The following CHL1 variants were observed in gnomAD, a reference collection of about 807,000 sequenced individuals.
CHL1 encodes cell adhesion molecule L1 like.
CHL1 carries 96 observed loss-of-function variants against 141.9 expected under a neutral mutation model. That is an observed-to-expected ratio of 0.68 (90% CI 0.57 to 0.80). The LOEUF (loss-of-function observed/expected upper bound fraction) is 0.80. CHL1 is among the 30% of genes least tolerant of loss of function. The probability of loss-of-function intolerance (pLI) is 0.00; values close to 1 mark genes in which losing one functional copy is unlikely to be tolerated. For synonymous variants in CHL1, 613 were observed against 502.2 expected (o/e 1.22, Z -2.95); for missense variants, 1,820 against 1,457.2 (o/e 1.25, Z -4.05).
At chr3:356,676 C>T (rs1703744387) in intron 11 of CHL1, among the ~76,000 whole-genome samples, 1 of 152,038 alleles carries the variant, frequency 6.6e-6, no homozygotes, top group Non-Finnish European at 1.5e-5. Flanking sequence ...GTGAGGAAGT[C>T]AGCCACCTAA....
At chr3:201,130 G>C (rs1698892124) in intron 1 of CHL1, among the ~76,000 whole-genome samples, 2 of 152,300 alleles carry the variant, frequency 1.3e-5, no homozygotes, top group South Asian at 4.1e-4. Flanking sequence ...CACTGGGTTA[G>C]GAAGCTCAAT....
chr3:348,009 A>G (rs1702910963), intron 9 of CHL1, among the ~76,000 whole-genome samples: 1 of 152,222 alleles, frequency 6.6e-6, no homozygotes, highest in South Asian at 2.1e-4. Context: ...ACCACAAACT[A>G]TCAATACAAA....
At chr3:197,437 A>AC (rs200668433) in intron 1 of CHL1, 14 of 157,082 alleles carry the variant, frequency 8.9e-5, no homozygotes, top group African/African-American at 2.5e-4. Context: ...AGGATTCCAG[A>AC]CCCCCCCGTA....
chr3:232,497 G>T (rs947663401), intron 1 of CHL1, among the ~76,000 whole-genome samples: 13 of 151,984 alleles, frequency 8.6e-5, no homozygotes, highest in Non-Finnish European at 1.5e-4. Flanking sequence ...ATGCCCCTTT[G>T]TAACAGTTTT....
At chr3:300,564 A>G (rs1698630999) in intron 2 of CHL1, among the ~76,000 whole-genome samples, 1 of 152,148 alleles carries the variant, frequency 6.6e-6, no homozygotes, top group Non-Finnish European at 1.5e-5. Flanking sequence ...CTATTTATTT[A>G]AACAGCTTTA....
chr3:351,628 A>G (rs1288709989), intron 10 of CHL1, among the ~76,000 whole-genome samples: 1 of 152,146 alleles, frequency 6.6e-6, no homozygotes, highest in Non-Finnish European at 1.5e-5. Context: ...TAGCAATGCT[A>G]TTGTATATTT....
chr3:374,006 A>C (rs976016810), intron 15 of CHL1: 4 of 151,950 alleles, frequency 2.6e-5, no homozygotes, highest in Non-Finnish European at 4.4e-5. Flanking sequence ...TTTCCATGGG[A>C]GCCTCCGAAC....
chr3:383,260 A>T (rs1707277743), intron 18 of CHL1, among the ~76,000 whole-genome samples: 1 of 152,210 alleles, frequency 6.6e-6, no homozygotes, highest in South Asian at 2.1e-4. Flanking sequence ...GTGTGATTTT[A>T]GTGCATGTCA....
chr3:309,765 T>C (rs1349007081), intron 2 of CHL1, among the ~76,000 whole-genome samples: 2 of 152,200 alleles, frequency 1.3e-5, no homozygotes, highest in African/African-American at 4.8e-5. Flanking sequence ...TCCTCCAGCC[T>C]CAGTTTCTCA....
chr3:234,845 A>G (rs12494871), intron 1 of CHL1, among the ~76,000 whole-genome samples: 22,359 of 152,148 alleles, frequency 0.15, 1,887 homozygotes, highest in Middle Eastern at 0.27. Flanking sequence ...TGAATAAACA[A>G]AGACCCTTTG....
intron 2 of CHL1, among the ~76,000 whole-genome samples, chr3:277,364 A>G (rs1290564871): frequency 6.6e-6 from 1 of 152,224 alleles, no homozygotes; most frequent in Non-Finnish European, 1.5e-5. Context: ...GCCAGGAATG[A>G]GTAACTAGTG....
intron 2 of CHL1, among the ~76,000 whole-genome samples, chr3:286,570 C>G (rs183493325): frequency 1.3e-3 from 185 of 143,684 alleles, no homozygotes; most frequent in African/African-American, 4.3e-3. Context: ...GAGATTGCGC[C>G]ATTGCACTCC....
chr3:256,675 G>A (rs1416461459), intron 2 of CHL1, among the ~76,000 whole-genome samples: 1 of 152,152 alleles, frequency 6.6e-6, no homozygotes, highest in Non-Finnish European at 1.5e-5. Context: ...GAGAAACTCT[G>A]GCTTAGAGAA....
rs373871502 is a variant in CHL1 at position 341,973 on chromosome 3, C to T, written c.570C>T (p.Phe190=). 136 of 1,613,340 alleles carry T rather than the reference C, an allele frequency of 8.4e-5. 1 individual carries two copies. In the South Asian group the frequency reaches 1.2e-3, roughly 14 times the overall value. The change falls in exon 7 of 28, where the codon TTC becomes TTT. Residue 190 remains phenylalanine, a synonymous_variant. Transcript: ENST00000256509. ...TGAGCCAAAAGGGAGATCTATACTT[C>T]GCAAACGTGGAAGAAAAGGACAGTC... ...VYMSQKGDLY[F]ANVEEKDSRN...
chr3:303,269 A>G (rs1210059839), intron 2 of CHL1, among the ~76,000 whole-genome samples: 3 of 152,012 alleles, frequency 2.0e-5, no homozygotes, highest in East Asian at 1.9e-4. Flanking sequence ...TTTTTTTCCA[A>G]TTCTGTGAAG....
At chr3:279,416 T>C (rs1191262827) in intron 2 of CHL1, among the ~76,000 whole-genome samples, 1 of 152,208 alleles carries the variant, frequency 6.6e-6, no homozygotes. Context: ...TAAATGCTTC[T>C]TAGATTCTGT....
intron 2 of CHL1, among the ~76,000 whole-genome samples, chr3:288,255 A>G (rs1697349958): frequency 6.6e-6 from 1 of 152,186 alleles, no homozygotes; most frequent in African/African-American, 2.4e-5. Flanking sequence ...ATTAGAAGGT[A>G]TTGGTTAATC....
In CHL1 at chr3:389,280, C is replaced by G. The variant is rs754312023; in HGVS notation, c.2276C>G (p.Pro759Arg). 4 of 1,612,426 alleles carry G rather than the reference C, an allele frequency of 2.5e-6. 1 individual carries two copies. The highest frequency in any genetic ancestry group is 1.1e-5 in the South Asian group (1 of 90,740). Residue 759 changes from proline (P) to arginine (R), a missense_variant, in exon 20 of 28, where the codon CCA becomes CGA. By Grantham distance (103) the Pro-to-Arg change is moderately radical. Transcript: ENST00000256509. ...TTGAAATCCATGGAGCAGAATGGAC[C>G]AGGCCTAGAGTACAGAGTGACCTGG... is the stretch of plus-strand genomic sequence containing the variant. ...EPLKSMEQNGPGLEYRVTWKP... is the reference protein window; with the variant it reads ...EPLKSMEQNGRGLEYRVTWKP...
chr3:243,380 G>A (rs985887458), intron 1 of CHL1, among the ~76,000 whole-genome samples: 17 of 152,136 alleles, frequency 1.1e-4, no homozygotes, highest in African/African-American at 4.1e-4. Flanking sequence ...CCATTGGTCA[G>A]AAGCCATATT....
Sources: allele counts gnomAD v4.1 joint callset (sites outside exome capture counted in the v4.1 genomes callset), GRCh38; gene constraint gnomAD v4.1.1; transcripts MANE v1.5; gene names NCBI Gene and HGNC (gene_info 2026-07-23, HGNC 2026-07-21).